The following IFT80 variants were observed in gnomAD, a reference collection of about 807,000 sequenced individuals.
IFT80 encodes intraflagellar transport protein 80 homolog.
In IFT80, 79 loss-of-function variants were observed where a neutral mutation model predicts 107.9. The ratio of observed to expected loss-of-function variants is 0.73; its 90% CI spans 0.61 to 0.88. IFT80 has a LOEUF of 0.88. Among genes scored for constraint, IFT80 ranks in the 40% least tolerant of loss-of-function variants. The pLI is 0.00. For missense variants in IFT80, 797 were observed against 914.2 expected (o/e 0.87, Z 1.65); for synonymous variants, 299 against 300.9 (o/e 0.99, Z 0.07).
chr3:160,372,889 T>G (rs893492463), intron 5 of IFT80, among the ~76,000 whole-genome samples: 2 of 152,146 alleles, frequency 1.3e-5, no homozygotes, highest in South Asian at 4.1e-4. Context: ...TGTTTACCCA[T>G]CTATGGGAGG....
At chr3:160,274,830 T>C (rs1714117572) in intron 18 of IFT80, among the ~76,000 whole-genome samples, 2 of 152,144 alleles carry the variant, frequency 1.3e-5, no homozygotes, top group African/African-American at 2.4e-5. Flanking sequence ...TGAAGTACGA[T>C]AATCACTTAA....
intron 4 of IFT80, among the ~76,000 whole-genome samples, 186 bp from the exon 5 acceptor site, chr3:160,376,066 A>G (rs545973413): frequency 4.7e-4 from 71 of 152,360 alleles, no homozygotes; most frequent in Admixed American, 3.5e-3. Context: ...GTACTTTATA[A>G]CTATCATTTA....
chr3:160,366,875 T>C (rs1721907607), intron 5 of IFT80, among the ~76,000 whole-genome samples: 1 of 151,924 alleles, frequency 6.6e-6, no homozygotes, highest in Non-Finnish European at 1.5e-5. Flanking sequence ...TATTCATTCA[T>C]TCATTCTATT....
intron 8 of IFT80, among the ~76,000 whole-genome samples, chr3:160,348,576 T>C (rs897622351): frequency 6.6e-6 from 1 of 152,220 alleles, no homozygotes; most frequent in Non-Finnish European, 1.5e-5. Context: ...GTAGCAATTC[T>C]ACTTCTAAGT....
chr3:160,268,340 T>G (rs1713510287), intron 19 of IFT80, 73 bp downstream of exon 19: 1 of 1,326,112 alleles, frequency 7.5e-7, no homozygotes, highest in Admixed American at 1.9e-5. Flanking sequence ...ATTCACATTT[T>G]GTCTCATTAG....
chr3:160,318,756 C>T (rs1717999034), intron 9 of IFT80, among the ~76,000 whole-genome samples: 1 of 152,046 alleles, frequency 6.6e-6, no homozygotes, highest in Non-Finnish European at 1.5e-5. Flanking sequence ...CTATGGCATA[C>T]TGAATATTTT....
chr3:160,300,653 T>C (rs1716347713), intron 12 of IFT80, among the ~76,000 whole-genome samples: 1 of 152,290 alleles, frequency 6.6e-6, no homozygotes, highest in South Asian at 2.1e-4. Context: ...TTTTCCTGAT[T>C]ACTGATCTTT....
rs1165081856 is a variant in IFT80 at position 160,324,579 on chromosome 3, AC to A, written c.778-4641del. On this transcript the variant is annotated intron_variant, in intron 8 of 19. Coordinates refer to ENST00000326448, the MANE Select transcript of IFT80 (RefSeq NM_020800.3). ...AAAAGGCCTTTGACAAAATTCAACA[AC>A]CCTTCATGCTAAAAACTCTCAATAA... Among the ~76,000 whole-genome samples the A allele has an allele frequency of 2.6e-4, 39 of 152,128 alleles. No individual in the cohort carries two copies. In the South Asian group the frequency reaches 2.9e-3, roughly 11 times the overall value.
At chr3:160,385,321 T>C (rs1462944541) in intron 1 of IFT80, among the ~76,000 whole-genome samples, 1 of 152,196 alleles carries the variant, frequency 6.6e-6, no homozygotes, top group Non-Finnish European at 1.5e-5. Flanking sequence ...AATATAGTTG[T>C]TGTATAAAAA....
At chr3:160,308,089 T>C (rs1428715290) in intron 9 of IFT80, among the ~76,000 whole-genome samples, 2 of 152,122 alleles carry the variant, frequency 1.3e-5, no homozygotes, top group African/African-American at 2.4e-5. Flanking sequence ...CACTGAGATA[T>C]AGTCAAAGGA....
intron 18 of IFT80, chr3:160,274,424 A>T (rs1351546362): frequency 6.6e-6 from 1 of 151,908 alleles, no homozygotes; most frequent in African/African-American, 2.4e-5. Context: ...ATACCTACTC[A>T]CTCACTGCAT....
chr3:160,389,968 T>G (rs1713241902), intron 1 of IFT80, among the ~76,000 whole-genome samples: 1 of 152,176 alleles, frequency 6.6e-6, no homozygotes, highest in Non-Finnish European at 1.5e-5. Flanking sequence ...GTGTTCCTAT[T>G]TCTCCACATC....
intron 12 of IFT80, among the ~76,000 whole-genome samples, chr3:160,293,308 CATG>C (rs1715716030): frequency 6.6e-6 from 1 of 152,190 alleles, no homozygotes; most frequent in East Asian, 1.9e-4. Context: ...GGTCACAGAA[CATG>C]ATGATGGACT....
intron 3 of IFT80, 99 bp downstream of exon 3, chr3:160,381,404 T>G (rs778094689): frequency 2.6e-5 from 23 of 886,374 alleles, no homozygotes; most frequent in Admixed American, 1.6e-4. Context: ...AATATGCAGA[T>G]CCACAAATAC....
intron 8 of IFT80, among the ~76,000 whole-genome samples, chr3:160,341,563 A>C (rs1719898070): frequency 6.6e-6 from 1 of 152,152 alleles, no homozygotes; most frequent in African/African-American, 2.4e-5. Context: ...ATGTGTACCA[A>C]ACCTAAGCTG....
chr3:160,350,905 A>T (rs1720648846), intron 8 of IFT80, among the ~76,000 whole-genome samples: 3 of 152,202 alleles, frequency 2.0e-5, no homozygotes, highest in Non-Finnish European at 4.4e-5. Context: ...AAAAGACAAC[A>T]TTTCTTAAAA....
intron 9 of IFT80, among the ~76,000 whole-genome samples, chr3:160,311,433 G>A (rs575658072): frequency 3.3e-5 from 5 of 152,254 alleles, no homozygotes; most frequent in Admixed American, 6.5e-5. Context: ...GGGGAAATGC[G>A]AATGTTACTA....
intron 1 of IFT80, among the ~76,000 whole-genome samples, chr3:160,393,654 C>T (rs575936570): frequency 1.3e-5 from 2 of 151,328 alleles, no homozygotes; most frequent in Admixed American, 1.3e-4. Context: ...GAACTGTACA[C>T]TTTAAAAAAA....
intron 12 of IFT80, among the ~76,000 whole-genome samples, chr3:160,298,892 A>C (rs901480462): frequency 6.6e-6 from 1 of 152,172 alleles, no homozygotes; most frequent in East Asian, 1.9e-4. Flanking sequence ...AAGGTAATGC[A>C]CTATGACATT....
Sources: allele counts gnomAD v4.1 joint callset (sites outside exome capture counted in the v4.1 genomes callset), GRCh38; gene constraint gnomAD v4.1.1; transcripts MANE v1.5; gene names NCBI Gene and HGNC (gene_info 2026-07-23, HGNC 2026-07-21).